YTHDF3: variants seen among roughly 807,000 people sequenced by gnomAD.
YTHDF3 encodes the protein YTH domain-containing family protein 3.
Under a neutral mutation model 52.5 loss-of-function variants are expected in YTHDF3, and 9 were observed. The observed-to-expected ratio is 0.17, with a 90% CI of 0.10 to 0.30. The LOEUF (loss-of-function observed/expected upper bound fraction) is 0.30, where lower values mean the gene tolerates loss of function less well. Ranked by LOEUF, YTHDF3 falls within the 10% of genes least tolerant of loss-of-function variation. The probability of loss-of-function intolerance (pLI) is 1.00; values close to 1 mark genes in which losing one functional copy is unlikely to be tolerated. For missense variants in YTHDF3, 534 were observed against 715.0 expected (o/e 0.75, Z 2.89); for synonymous variants, 274 against 243.3 (o/e 1.13, Z -1.18).
Position 63,186,718 on chromosome 8 carries a change from C to A in YTHDF3, c.707C>A (p.Thr236Asn). 6.2e-7 allele frequency: 1 copy of A among 1,613,998 alleles called. No individual in the cohort carries two copies. Among genetic ancestry groups the A allele is most frequent in the Non-Finnish European group, 8.5e-7 (1 of 1,179,874 alleles). Reference protein sequence around the residue: ...PPVSSAAPKPTSWAAIARKPA... With the variant: ...PPVSSAAPKPNSWAAIARKPA... ...GTTAGCAGTGCAGCACCTAAACCAA[C>A]CTCCTGGGCTGCCATTGCCAGAAAG... Residue 236 changes from threonine (T) to asparagine (N), a missense_variant, in exon 4 of 5, where the codon ACC becomes AAC. This residue lies in a region of YTHDF3 where 196 missense variants were observed against 299.5 expected (regional missense o/e 0.65). Coordinates refer to ENST00000539294, the MANE Select transcript of YTHDF3 (RefSeq NM_152758.6).
chr8:63,195,776 C>G (rs1809197415), intron 4 of YTHDF3, among the ~76,000 whole-genome samples: 1 of 149,130 alleles, frequency 6.7e-6, no homozygotes, highest in Non-Finnish European at 1.5e-5. Flanking sequence ...CCCTGGGCAA[C>G]ATAGACCCTG....
chr8:63,185,621 A>G (rs1808445932), intron 3 of YTHDF3, among the ~76,000 whole-genome samples: 1 of 152,250 alleles, frequency 6.6e-6, no homozygotes, highest in Admixed American at 6.5e-5. Flanking sequence ...GACTGTGAGC[A>G]TTTCTCCATT....
chr8:63,206,136 C>T (rs1563414766), intron 4 of YTHDF3, among the ~76,000 whole-genome samples: 1 of 151,972 alleles, frequency 6.6e-6, no homozygotes, highest in African/African-American at 2.4e-5. Flanking sequence ...TGCAATGGCG[C>T]GATCTTGGCT....
intron 4 of YTHDF3, among the ~76,000 whole-genome samples, chr8:63,204,479 G>C (rs930820213): frequency 8.0e-5 from 12 of 150,638 alleles, no homozygotes; most frequent in Non-Finnish European, 1.3e-4. Context: ...TTCCTGCCTC[G>C]GCCTTCCCAG....
chr8:63,175,268 T>C, intron 2 of YTHDF3, 63 bp from the exon 3 acceptor site: 1 of 1,215,412 alleles, frequency 8.2e-7, no homozygotes, highest in Non-Finnish European at 1.2e-6. Context: ...ATTAAAAACA[T>C]TAGGTTGTGC....
chr8:63,197,704 A>G (rs1809332078), intron 4 of YTHDF3, among the ~76,000 whole-genome samples: 1 of 152,194 alleles, frequency 6.6e-6, no homozygotes, highest in African/African-American at 2.4e-5. Flanking sequence ...TTGATAAGCA[A>G]TTTTTGTATT....
intron 4 of YTHDF3, among the ~76,000 whole-genome samples, chr8:63,191,632 A>T (rs537612574): frequency 3.3e-5 from 5 of 152,300 alleles, no homozygotes; most frequent in African/African-American, 4.8e-5. Context: ...ATAAAATTGT[A>T]AATTTCCTTG....
Position 63,175,351 on chromosome 8 carries a change from A to T in YTHDF3, c.70A>T (p.Ile24Phe). ...GNKVSVQNGS[I>F]HQKDAVNDDD... Reference sequence around the variant, plus strand: ...TTTAGTTTCAGTACAAAACGGTTCGATTCATCAAAAAGATGCTGTAAATGA... The same window carrying T: ...TTTAGTTTCAGTACAAAACGGTTCGTTTCATCAAAAAGATGCTGTAAATGA... Residue 24 changes from isoleucine (I) to phenylalanine (F), a missense_variant, in exon 3 of 5, where the codon ATT becomes TTT. This residue lies in a region of YTHDF3 where 196 missense variants were observed against 299.5 expected (regional missense o/e 0.65). Coordinates refer to ENST00000539294, the MANE Select transcript of YTHDF3 (RefSeq NM_152758.6). 1 of 1,609,982 alleles carries T rather than the reference A, an allele frequency of 6.2e-7. No individual in the cohort carries two copies. Among genetic ancestry groups the T allele is most frequent in the Non-Finnish European group, 8.5e-7 (1 of 1,177,652 alleles).
intron 3 of YTHDF3, among the ~76,000 whole-genome samples, chr8:63,179,840 G>A (rs1319725412): frequency 2.0e-5 from 3 of 150,460 alleles, no homozygotes; most frequent in African/African-American, 7.3e-5. Context: ...GGCTGGCCGG[G>A]TGGGGGGCTG....
chr8:63,181,329 A>C (rs1808120735), intron 3 of YTHDF3, among the ~76,000 whole-genome samples: 1 of 152,196 alleles, frequency 6.6e-6, no homozygotes, highest in Admixed American at 6.5e-5. Flanking sequence ...TAAAATCCCA[A>C]GTCTGATTGT....
At chr8:63,179,794 G>GCCGGGCAGAGGTGC (rs1807958582) in intron 3 of YTHDF3, among the ~76,000 whole-genome samples, 4 of 152,018 alleles carry the variant, frequency 2.6e-5, no homozygotes, top group Admixed American at 2.0e-4. Context: ...AGTAGGGGCG[G>GCCGGGCAGAGGTGC]CCGGGCAGAG....
At chr8:63,169,008 G>A (rs1807084139) in intron 1 of YTHDF3, 107 bp downstream of exon 1, 2 of 1,481,470 alleles carry the variant, frequency 1.4e-6, no homozygotes, top group Non-Finnish European at 1.8e-6. Context: ...GCCCCATAAC[G>A]GTGCCCCGGG....
At chr8:63,186,100 CT>C (rs750991919) in intron 3 of YTHDF3, 46 bp from the exon 4 acceptor site, 1 of 1,504,614 alleles carries the variant, frequency 6.6e-7, no homozygotes, top group South Asian at 1.3e-5. Flanking sequence ...TTTTTTTGCT[CT>C]TTTAAGAGGA....
In YTHDF3 at chr8:63,209,719, G is replaced by A. The variant is rs748176401; in HGVS notation, c.*13G>A. ...AAACAAACAATAACCGTATGAAGAT[G>A]TCCTGTTAAATTTACAACACTAACG... On this transcript the variant is annotated 3_prime_UTR_variant, in exon 5 of 5. Coordinates refer to ENST00000539294, the MANE Select transcript of YTHDF3 (RefSeq NM_152758.6). The A allele has an allele frequency of 1.3e-6, 2 of 1,568,436 alleles. No individual in the cohort carries two copies. The highest frequency in any genetic ancestry group is 2.4e-5 in the South Asian group (2 of 83,908).
Position 63,168,837 on chromosome 8 carries a change from A to AGGCAGC in YTHDF3, c.-37_-32dup. 1 of 1,553,082 alleles carries AGGCAGC rather than the reference A, an allele frequency of 6.4e-7. No individual in the cohort carries two copies. Among genetic ancestry groups the AGGCAGC allele is most frequent in the Non-Finnish European group, 8.7e-7 (1 of 1,148,462 alleles). ...GCTGTGAGTGCACGGGGAGAGGCCC[A>AGGCAGC]GGCAGCGGCGGCGGCGGCGGCTCTC... is the stretch of plus-strand genomic sequence containing the variant. On this transcript the variant is annotated 5_prime_UTR_variant, in exon 1 of 5. Coordinates refer to ENST00000539294, the MANE Select transcript of YTHDF3 (RefSeq NM_152758.6).
In YTHDF3 at chr8:63,186,977, G is replaced by C; in HGVS notation, c.966G>C (p.Gln322His). ...PLVQSQLPQQ[Q>H]PQPPQPQQQQ... ...TGCAAAGCCAACTGCCTCAACAGCA[G>C]CCTCAACCACCACAACCACAGCAGC... is the stretch of plus-strand genomic sequence containing the variant. The change falls in exon 4 of 5, where the codon CAG becomes CAC. Residue 322 changes from glutamine (Q) to histidine (H), a missense_variant. By Grantham distance (24) the Gln-to-His change is conservative. Around this residue, in one of 3 missense-constraint regions of YTHDF3, gnomAD observed 203 missense variants for 201.3 expected, o/e 1.01. Coordinates refer to ENST00000539294, the MANE Select transcript of YTHDF3 (RefSeq NM_152758.6). 6.2e-7 allele frequency: 1 copy of C among 1,613,692 alleles called. No individual in the cohort carries two copies. The highest frequency in any genetic ancestry group is 1.1e-5 in the South Asian group (1 of 91,052).
intron 2 of YTHDF3, among the ~76,000 whole-genome samples, chr8:63,174,519 G>A (rs1807558959): frequency 6.6e-6 from 1 of 152,204 alleles, no homozygotes; most frequent in African/African-American, 2.4e-5. Context: ...CATCTCCTCA[G>A]TGCTGGACTT....
At chr8:63,192,730 G>A (rs1448331934) in intron 4 of YTHDF3, among the ~76,000 whole-genome samples, 1 of 151,414 alleles carries the variant, frequency 6.6e-6, no homozygotes, top group African/African-American at 2.4e-5. Flanking sequence ...AAGGAAGGAT[G>A]TGCTGCCTGT....
rs1445864409 is a variant in YTHDF3, at chr8:63,211,931, C to T, written c.*2225C>T. On this transcript the variant is annotated 3_prime_UTR_variant, in exon 5 of 5. Coordinates refer to ENST00000539294, the MANE Select transcript of YTHDF3 (RefSeq NM_152758.6). Reference sequence around the variant, plus strand: ...TATAAGTTTTCTCCAGAGCACCCACCTTCTCTTCCTTCTTGGTCTGTCATT... The same window carrying T: ...TATAAGTTTTCTCCAGAGCACCCACTTTCTCTTCCTTCTTGGTCTGTCATT... 6.6e-6 allele frequency: 1 copy of T among 152,546 alleles called. No individual in the cohort carries two copies. The highest frequency in any genetic ancestry group is 1.5e-5 in the Non-Finnish European group (1 of 67,998). 9.4% of individuals were successfully genotyped at this position (152,546 alleles called of 1,614,324 possible).
Sources: allele counts gnomAD v4.1 joint callset (sites outside exome capture counted in the v4.1 genomes callset), GRCh38; gene constraint gnomAD v4.1.1; regional missense constraint gnomAD v4.1.1; transcripts MANE v1.5; gene names NCBI Gene and HGNC (gene_info 2026-07-23, HGNC 2026-07-21).